Variants in QPRT observed in about 807,000 individuals in gnomAD.
QPRT encodes the protein quinolinate phosphoribosyltransferase.
In QPRT, 17 loss-of-function variants were observed where a neutral mutation model predicts 19.8. That is an observed-to-expected ratio of 0.86 (90% CI 0.59 to 1.29). QPRT has a LOEUF of 1.29. Ranked by LOEUF, QPRT falls within the 50% of genes most tolerant of loss-of-function variation. The pLI, the probability that QPRT is intolerant of heterozygous loss-of-function variation, is 0.00. For synonymous variants in QPRT, 178 were observed against 191.0 expected (o/e 0.93, Z 0.56); for missense variants, 336 against 405.1 (o/e 0.83, Z 1.46).
chr16:29,691,566 A>G (rs1441162886), intron 1 of QPRT, among the ~76,000 whole-genome samples: 1 of 152,054 alleles, frequency 6.6e-6, no homozygotes, highest in Non-Finnish European at 1.5e-5. Context: ...GTGCGCCTGT[A>G]GTCCCAGTTC....
chr16:29,690,038 C>G, intron 1 of QPRT, among the ~76,000 whole-genome samples: 1 of 152,174 alleles, frequency 6.6e-6, no homozygotes, highest in Non-Finnish European at 1.5e-5. Flanking sequence ...AACTTCCGCC[C>G]TCCAATAGGC....
At chr16:29,694,014 C>T (rs946142601) in intron 1 of QPRT, among the ~76,000 whole-genome samples, 9 of 151,374 alleles carry the variant, frequency 5.9e-5, no homozygotes, top group African/African-American at 2.2e-4. Context: ...TAGTAGAGAC[C>T]ATGTTGGCCA....
At chr16:29,693,277 C>CT (rs1184290097) in intron 1 of QPRT, among the ~76,000 whole-genome samples, 10 of 151,940 alleles carry the variant, frequency 6.6e-5, no homozygotes, top group South Asian at 2.1e-4. Context: ...CCCCATCATC[C>CT]TTTTTTTTGT....
chr16:29,680,323 T>TA (rs1010025368), intron 1 of QPRT, among the ~76,000 whole-genome samples: 3 of 152,132 alleles, frequency 2.0e-5, no homozygotes, highest in Admixed American at 2.0e-4. Flanking sequence ...AGCCAGGATG[T>TA]CTGGTCACAT....
intron 1 of QPRT, among the ~76,000 whole-genome samples, chr16:29,682,629 C>G (rs1967043396): frequency 6.6e-6 from 1 of 152,138 alleles, no homozygotes; most frequent in South Asian, 2.1e-4. Flanking sequence ...ATCCACCCAC[C>G]TTGGCCTCCC....
intron 2 of QPRT, 21 bp from the exon 3 acceptor site, chr16:29,696,975 G>A: frequency 6.3e-7 from 1 of 1,583,700 alleles, no homozygotes; most frequent in Admixed American, 1.7e-5. Flanking sequence ...CCTCACCCTT[G>A]TCCTCCCGGC....
chr16:29,685,151 G>GT (rs1967125343), intron 1 of QPRT, among the ~76,000 whole-genome samples: 1 of 152,082 alleles, frequency 6.6e-6, no homozygotes, highest in African/African-American at 2.4e-5. Context: ...ATCTCTTTTG[G>GT]TTTTTTTGAA....
chr16:29,694,740 C>G lies in QPRT; in HGVS notation c.90C>G (p.Leu30=). 6.2e-7 allele frequency: 1 copy of G among 1,607,104 alleles called. No individual in the cohort carries two copies. The highest frequency in any genetic ancestry group is 8.5e-7 in the Non-Finnish European group (1 of 1,176,180). ...GGCTCCGAGAGGACTGCCCAGGGCTCAACTACGCAGCCTTGGTCAGCGGGG... is the reference window on the plus strand; with the variant it reads ...GGCTCCGAGAGGACTGCCCAGGGCTGAACTACGCAGCCTTGGTCAGCGGGG... The part of the protein sequence containing the change: ...DSWLREDCPG[L]NYAALVSGAG... The change falls in exon 2 of 4, where the codon CTC becomes CTG. Residue 30 remains leucine (L), a synonymous_variant. Coordinates refer to ENST00000395384, the MANE Select transcript of QPRT (RefSeq NM_014298.6).
At chr16:29,686,163 A>G (rs1263357253) in intron 1 of QPRT, among the ~76,000 whole-genome samples, 1 of 152,110 alleles carries the variant, frequency 6.6e-6, no homozygotes, top group East Asian at 1.9e-4. Flanking sequence ...TCCGGCCAAT[A>G]AAATGAAATT....
chr16:29,683,320 C>T (rs932719517), intron 1 of QPRT, among the ~76,000 whole-genome samples: 3 of 151,660 alleles, frequency 2.0e-5, no homozygotes, highest in Admixed American at 1.3e-4. Flanking sequence ...GTGACCACCA[C>T]GCCCAGCCAA....
intron 1 of QPRT, among the ~76,000 whole-genome samples, chr16:29,680,932 C>A (rs1476430530): frequency 5.3e-5 from 8 of 151,846 alleles, no homozygotes; most frequent in Non-Finnish European, 1.0e-4. Context: ...CAGAGCGAGA[C>A]TCCATCTCAA....
chr16:29,695,235 C>A, intron 2 of QPRT, 36 bp downstream of exon 2: 1 of 1,494,986 alleles, frequency 6.7e-7, no homozygotes, highest in Non-Finnish European at 8.9e-7. Context: ...CAACCCCACC[C>A]TCAGCACACC....
Position 29,695,200 on chromosome 16 carries a change from G to A in QPRT, c.549+1G>A. On this transcript the variant is annotated splice_donor_variant, in intron 2 of 3. Transcript: ENST00000395384. LOFTEE classifies it high-confidence loss of function. ...GGTGGCCGCCGGTGGCGTGGAGAAG[G>A]TGCTGGTCCTGCCTGTCCCTGGTCC... The A allele has an allele frequency of 6.5e-7, 1 of 1,537,194 alleles. No homozygotes were observed. The highest frequency in any genetic ancestry group is 8.8e-7 in the Non-Finnish European group (1 of 1,139,712).
At chr16:29,694,378 C>A (rs924220103) in intron 1 of QPRT, among the ~76,000 whole-genome samples, 2 of 151,670 alleles carry the variant, frequency 1.3e-5, no homozygotes, top group African/African-American at 4.8e-5. Flanking sequence ...CTCGGCCTCT[C>A]AAAGTACTGG....
At chr16:29,685,737 C>T (rs1256448094) in intron 1 of QPRT, among the ~76,000 whole-genome samples, 2 of 152,130 alleles carry the variant, frequency 1.3e-5, no homozygotes, top group East Asian at 3.9e-4. Context: ...TGGTGGATCA[C>T]ACTTGTAATC....
At chr16:29,690,035 G>T (rs928202609) in intron 1 of QPRT, among the ~76,000 whole-genome samples, 1 of 152,008 alleles carries the variant, frequency 6.6e-6, no homozygotes, top group African/African-American at 2.4e-5. Flanking sequence ...CCAAACTTCC[G>T]CCCTCCAATA....
At chr16:29,693,524 G>A (rs567786801) in intron 1 of QPRT, among the ~76,000 whole-genome samples, 9 of 151,644 alleles carry the variant, frequency 5.9e-5, no homozygotes, top group Middle Eastern at 3.4e-3. Flanking sequence ...CTCCCAAAGT[G>A]CTGGGATTAC....
chr16:29,683,802 A>C (rs947642146), intron 1 of QPRT, among the ~76,000 whole-genome samples: 2 of 152,028 alleles, frequency 1.3e-5, no homozygotes, highest in Non-Finnish European at 1.5e-5. Context: ...GAAAGTTTGA[A>C]AAGCTCCCTG....
chr16:29,694,979 G>A lies in QPRT; in HGVS notation c.329G>A (p.Arg110His), dbSNP rs139462668. ...CGGGTGGCCCTCAACACGCTGGCCC[G>A]CTGCAGTGGCATTGCCAGTGCTGCC... The part of the protein sequence containing the change: ...GERVALNTLA[R>H]CSGIASAAAA... Residue 110 changes from arginine (R) to histidine (H), a missense_variant, in exon 2 of 4, where the codon CGC becomes CAC. Physicochemically the swap from Arg to His is conservative, Grantham distance 29. Transcript: ENST00000395384. 4.7e-5 allele frequency: 76 copies of A among 1,607,098 alleles called. No homozygotes were observed. The African/African-American group carries it at 6.1e-4, about 13-fold the overall frequency.
Sources: allele counts gnomAD v4.1 joint callset (sites outside exome capture counted in the v4.1 genomes callset), GRCh38; gene constraint gnomAD v4.1.1; transcripts MANE v1.5; gene names NCBI Gene and HGNC (gene_info 2026-07-23, HGNC 2026-07-21).